The following PCDH11X variants were observed in gnomAD, a reference collection of about 807,000 sequenced individuals.
PCDH11X encodes the protein protocadherin-11 X-linked.
Under a neutral mutation model 53.3 loss-of-function variants are expected in PCDH11X, and 18 were observed. The observed-to-expected ratio is 0.34, with a 90% CI of 0.23 to 0.50. The LOEUF (loss-of-function observed/expected upper bound fraction) is 0.50. PCDH11X is among the 20% of genes least tolerant of loss of function. PCDH11X has a pLI of 0.98. For missense variants in PCDH11X, 570 were observed against 1,032.4 expected (o/e 0.55, Z 6.14); for synonymous variants, 279 against 393.3 (o/e 0.71, Z 3.44).
In PCDH11X at chrX:91,990,151, G is replaced by C. The variant is rs553867545; in HGVS notation, c.3033+110878G>C. ...GTATTTTTTATTCGAGTTTCCATTT[G>C]ATTCTTTTATAATTAATCCATTATG... On this transcript the variant is annotated intron_variant, in intron 6 of 10. Coordinates refer to ENST00000682573, the MANE Select transcript of PCDH11X (RefSeq NM_032968.5). Among the ~76,000 whole-genome samples, 12 of 110,521 alleles carry C rather than the reference G, an allele frequency of 1.1e-4. No homozygotes were observed. The South Asian group carries it at 3.8e-3, about 35-fold the overall frequency.
chrX:92,292,816 C>T (rs1299334845), intron 8 of PCDH11X, among the ~76,000 whole-genome samples: 1 of 111,343 alleles, frequency 9.0e-6, no homozygotes, highest in Non-Finnish European at 1.9e-5. Context: ...AGTGAAAGTC[C>T]AGCAATGAAT....
intron 6 of PCDH11X, among the ~76,000 whole-genome samples, chrX:92,002,873 T>C (rs2062533556): frequency 1.9e-5 from 2 of 108,034 alleles, no homozygotes; most frequent in African/African-American, 6.7e-5. Flanking sequence ...TAATTTGGAT[T>C]CTTTTATATT....
At chrX:92,513,735 G>A (rs1475118007) in intron 10 of PCDH11X, among the ~76,000 whole-genome samples, 6 of 110,654 alleles carry the variant, frequency 5.4e-5, no homozygotes, top group Non-Finnish European at 9.5e-5. Flanking sequence ...CTTTCAATAC[G>A]TAGTTTTTTA....
Position 92,140,047 on chromosome X carries a change from TA to T in PCDH11X, c.3034-61321del, listed in dbSNP as rs1379985283. On this transcript the variant is annotated intron_variant, in intron 6 of 10. Transcript: ENST00000682573. ...TAAGAATCAAGATTAACAGATATTG[TA>T]AAAAAATATTTTAAACTATAGACAT... Among the ~76,000 whole-genome samples the T allele has an allele frequency of 3.0e-4, 31 of 102,024 alleles. No individual in the cohort carries two copies. In the South Asian group the frequency reaches 0.012, roughly 39 times the overall value. 88.6% of individuals were successfully genotyped at this position (102,024 alleles called of 115,157 possible). A position where few individuals can be genotyped will look rare whatever the true frequency, so the allele number is the denominator to read the frequency against.
intron 10 of PCDH11X, among the ~76,000 whole-genome samples, chrX:92,554,010 C>T (rs1017036703): frequency 8.2e-5 from 9 of 110,289 alleles, no homozygotes; most frequent in Non-Finnish European, 1.7e-4. Flanking sequence ...TGGAAGAATA[C>T]TAGATCTTCA....
chrX:92,606,401 T>G (rs1425520660), intron 10 of PCDH11X, among the ~76,000 whole-genome samples: 1 of 109,368 alleles, frequency 9.1e-6, no homozygotes, highest in Non-Finnish European at 1.9e-5. Context: ...CAATTGATTT[T>G]CAGCCAATTA....
At chrX:92,504,585 G>T (rs1276762949) in intron 10 of PCDH11X, among the ~76,000 whole-genome samples, 12 of 111,150 alleles carry the variant, frequency 1.1e-4, no homozygotes, top group Non-Finnish European at 1.5e-4. Flanking sequence ...CTTGGTTATT[G>T]TAAATAGTGC....
chrX:92,236,385 A>G (rs1207823374), intron 7 of PCDH11X, among the ~76,000 whole-genome samples: 1 of 111,653 alleles, frequency 9.0e-6, no homozygotes, highest in Non-Finnish European at 1.9e-5. Context: ...ACAAAACTAG[A>G]TCTTAATTAT....
At chrX:92,375,689 A>G (rs1370449855) in intron 8 of PCDH11X, among the ~76,000 whole-genome samples, 1 of 109,542 alleles carries the variant, frequency 9.1e-6, no homozygotes, top group African/African-American at 3.3e-5. Flanking sequence ...CAGTGGCTCA[A>G]TCTCGGCTCA....
intron 6 of PCDH11X, among the ~76,000 whole-genome samples, chrX:92,161,574 C>T (rs748252130): frequency 9.1e-5 from 10 of 109,537 alleles, no homozygotes; most frequent in East Asian, 2.9e-4. Flanking sequence ...CTAGCAAGGC[C>T]GGGGAAGTTT....
Position 92,131,814 on chromosome X carries a change from G to A in PCDH11X, c.3034-69561G>A, listed in dbSNP as rs1408981084. On this transcript the variant is annotated intron_variant, in intron 6 of 10. Transcript: ENST00000682573. ...GTTTGGGGAGTTCCTGGAGGACTGG[G>A]GAGTTTCTTCAGACCCCCAATAAAA... Among the ~76,000 whole-genome samples, 4 of 109,184 alleles carry A rather than the reference G, an allele frequency of 3.7e-5. 1 individual carries two copies. Among genetic ancestry groups the A allele is most frequent in the Admixed American group, 2.0e-4 (2 of 10,105 alleles). The allele number at this position is 109,184 out of a possible 115,157, so 94.8% of individuals were successfully genotyped here.
chrX:92,142,583 C>G (rs908375237), intron 6 of PCDH11X, among the ~76,000 whole-genome samples: 6 of 111,043 alleles, frequency 5.4e-5, no homozygotes, highest in Non-Finnish European at 1.1e-4. Flanking sequence ...ATTCTGATGA[C>G]TGAGGTAACC....
intron 6 of PCDH11X, among the ~76,000 whole-genome samples, chrX:92,064,818 G>A (rs1173731275): frequency 4.7e-5 from 5 of 105,526 alleles, no homozygotes; most frequent in Admixed American, 2.1e-4. Context: ...ATGGGGAAAT[G>A]CAGGAACCCA....
Position 92,284,407 on chromosome X carries a change from C to A in PCDH11X, c.3144+21264C>A, listed in dbSNP as rs190470286. Among the ~76,000 whole-genome samples, 1,108 of 111,282 alleles carry A rather than the reference C, an allele frequency of 1.0e-2. 21 individuals carry two copies. The highest frequency in any genetic ancestry group is 0.034 in the African/African-American group (1,053 of 30,672). ...TATAAATTACTATTTGCTTTTTAAG[C>A]AATTAAATATTTTAATAAAAACAAG... On this transcript the variant is annotated intron_variant, in intron 8 of 10. Coordinates refer to ENST00000682573, the MANE Select transcript of PCDH11X (RefSeq NM_032968.5).
At chrX:92,358,043 G>A (rs1442869493) in intron 8 of PCDH11X, among the ~76,000 whole-genome samples, 1 of 108,571 alleles carries the variant, frequency 9.2e-6, no homozygotes, top group East Asian at 3.0e-4. Context: ...CCAAAGCCAA[G>A]GACCCACAAG....
At chrX:92,582,691 C>T (rs1298771859) in intron 10 of PCDH11X, among the ~76,000 whole-genome samples, 1 of 110,872 alleles carries the variant, frequency 9.0e-6, no homozygotes, top group Non-Finnish European at 1.9e-5. Context: ...ATCCTCCAGG[C>T]CCCATAATAG....
intron 9 of PCDH11X, among the ~76,000 whole-genome samples, chrX:92,394,440 A>G (rs1474351176): frequency 1.8e-5 from 2 of 110,890 alleles, no homozygotes; most frequent in East Asian, 5.7e-4. Flanking sequence ...AAGCTTGAAT[A>G]ATCACCTAAA....
At chrX:92,053,729 C>A (rs1212675952) in intron 6 of PCDH11X, among the ~76,000 whole-genome samples, 53 of 109,130 alleles carry the variant, frequency 4.9e-4, no homozygotes, top group African/African-American at 1.7e-3. Flanking sequence ...CACCACCACA[C>A]CCGGCTAATT....
In PCDH11X at chrX:92,546,216, C is replaced by T. The variant is rs765100435; in HGVS notation, c.3368-72048C>T. 6.3e-5 allele frequency among the ~76,000 whole-genome samples: 7 copies of T among 110,895 alleles called. No homozygotes were observed. In the East Asian group the frequency reaches 1.7e-3, roughly 27 times the overall value. On this transcript the variant is annotated intron_variant, in intron 10 of 10. Transcript: ENST00000682573. The stretch of plus-strand genomic sequence containing the variant: ...AAACTAAGTTTTAAAGCAGATGTGA[C>T]TTACCCACAATCACACATTTATTCA...
Sources: gnomAD v4.1 joint callset for allele counts (sites outside exome capture counted in the v4.1 genomes callset) on GRCh38, gnomAD v4.1.1 for gene constraint, MANE v1.5 for transcripts, NCBI Gene and HGNC (gene_info 2026-07-23, HGNC 2026-07-21) for gene names.